EPB41L3: variants seen among roughly 807,000 people sequenced by gnomAD.
The protein encoded by EPB41L3 is erythrocyte membrane protein band 4.1 like 3, also known as band 4.1-like protein 3.
Under a neutral mutation model 127.1 loss-of-function variants are expected in EPB41L3, and 57 were observed. That is an observed-to-expected ratio of 0.45 (90% CI 0.36 to 0.56). The LOEUF is 0.56. Ranked by LOEUF, EPB41L3 falls within the 20% of genes least tolerant of loss-of-function variation. The pLI is 0.00. For missense variants in EPB41L3, 1,273 were observed against 1,372.2 expected (o/e 0.93, Z 1.14); for synonymous variants, 572 against 549.5 (o/e 1.04, Z -0.57).
In EPB41L3 at chr18:5,543,633, T is replaced by A. The variant is rs1194239410; in HGVS notation, c.-12+280A>T. Among the ~76,000 whole-genome samples, 1 of 146,954 alleles carries A rather than the reference T, an allele frequency of 6.8e-6. No homozygotes were observed. The highest frequency in any genetic ancestry group is 1.5e-5 in the Non-Finnish European group (1 of 65,986). On this transcript the variant is annotated intron_variant, in intron 1 of 22. Coordinates refer to ENST00000341928, the MANE Select transcript of EPB41L3 (RefSeq NM_012307.5). This position sits in a 1 kb window ranked among gnomAD's most constrained non-coding sequence, Gnocchi z 5.2. ...AGGCCGGAGGCCGGGGCTCAGGCTC[T>A]GCGCGCCGGCCCAGCCACTACTGCG...
chr18:5,628,440 G>A (rs1415999819), intron 1 of EPB41L3, among the ~76,000 whole-genome samples: 1 of 152,246 alleles, frequency 6.6e-6, no homozygotes, highest in East Asian at 1.9e-4. Context: ...CCCAAGGGCG[G>A]GGGCAGCACC....
intron 3 of EPB41L3, among the ~76,000 whole-genome samples, chr18:5,473,875 C>T (rs1296364592): frequency 6.6e-6 from 1 of 152,008 alleles, no homozygotes; most frequent in Admixed American, 6.6e-5. Context: ...ATCAAGTTCG[C>T]TATAATAAGA....
chr18:5,583,041 T>G lies in EPB41L3; in HGVS notation c.-306+29299A>C, dbSNP rs543875943. On this transcript the variant is annotated intron_variant, in intron 3 of 21. Transcript: ENST00000545076. ...TGGGGGAAAAGTTGGTGAAAAGAGGTGGGAGAACGTTGGAAAGATTCTGGA... is the reference window on the plus strand; with the variant it reads ...TGGGGGAAAAGTTGGTGAAAAGAGGGGGGAGAACGTTGGAAAGATTCTGGA... Among the ~76,000 whole-genome samples, 201 of 152,104 alleles carry G rather than the reference T, an allele frequency of 1.3e-3. 1 individual carries two copies. Among genetic ancestry groups the G allele is most frequent in the African/African-American group, 4.6e-3 (191 of 41,492 alleles).
At position 5,490,318 on chromosome 18, in the gene EPB41L3, C is replaced by CT. The variant is rs1166096911; in HGVS notation, c.-11-1125dup. Reference sequence around the variant, plus strand: ...TTATAGTAAAAGTATGAGCAAAGGACTAGTGTAGTGCTTTAGGCAAATTAT... The same window carrying CT: ...TTATAGTAAAAGTATGAGCAAAGGACTTAGTGTAGTGCTTTAGGCAAATTAT... On this transcript the variant is annotated intron_variant, in intron 1 of 22. Transcript: ENST00000341928. 2.6e-5 allele frequency among the ~76,000 whole-genome samples: 4 copies of CT among 152,242 alleles called. No individual in the cohort carries two copies. In the East Asian group the frequency reaches 7.7e-4, roughly 29 times the overall value.
chr18:5,443,709 T>A, intron 5 of EPB41L3, 129 bp downstream of exon 5: 1 of 664,766 alleles, frequency 1.5e-6, no homozygotes. Flanking sequence ...CTATCGGAAT[T>A]GCCAGATCAA....
At chr18:5,472,476 G>A (rs553820689) in intron 3 of EPB41L3, among the ~76,000 whole-genome samples, 29 of 152,286 alleles carry the variant, frequency 1.9e-4, no homozygotes, top group African/African-American at 6.7e-4. Flanking sequence ...CCATGGAGGA[G>A]GGTGGCATGT....
chr18:5,571,174 A>C (rs2094275817), intron 3 of EPB41L3, among the ~76,000 whole-genome samples: 1 of 152,246 alleles, frequency 6.6e-6, no homozygotes, highest in Non-Finnish European at 1.5e-5. Flanking sequence ...AAAGCATTCC[A>C]AGAAGTATCA....
At chr18:5,432,016 C>T (rs1261905782) in intron 8 of EPB41L3, among the ~76,000 whole-genome samples, 1 of 152,128 alleles carries the variant, frequency 6.6e-6, no homozygotes, top group Non-Finnish European at 1.5e-5. Flanking sequence ...CTGGTGTGAA[C>T]CTCCGCCAAG....
At chr18:5,539,195 A>G (rs1036596081) in intron 1 of EPB41L3, among the ~76,000 whole-genome samples, 5 of 152,034 alleles carry the variant, frequency 3.3e-5, no homozygotes, top group Non-Finnish European at 7.4e-5. Flanking sequence ...TATATACTCA[A>G]GGCAGGTTAA....
At chr18:5,518,784 C>A (rs569604942) in intron 1 of EPB41L3, among the ~76,000 whole-genome samples, 3 of 152,198 alleles carry the variant, frequency 2.0e-5, no homozygotes, top group African/African-American at 7.2e-5. Flanking sequence ...TCCTGACAGG[C>A]ACACAGGGCC....
intron 16 of EPB41L3, among the ~76,000 whole-genome samples, chr18:5,403,473 A>T (rs2074840450): frequency 6.6e-6 from 1 of 152,092 alleles, no homozygotes; most frequent in South Asian, 2.1e-4. Flanking sequence ...TTATAGAAAT[A>T]ATTATTATAA....
At chr18:5,620,132 T>TA (rs35117867) in intron 1 of EPB41L3, among the ~76,000 whole-genome samples, 30,015 of 149,500 alleles carry the variant, frequency 0.2, 3,258 homozygotes, top group Non-Finnish European at 0.25. Flanking sequence ...TTATCAAGTT[T>TA]AAAAAAAAAA....
chr18:5,576,860 A>G (rs935283500), intron 3 of EPB41L3, among the ~76,000 whole-genome samples: 4 of 152,250 alleles, frequency 2.6e-5, no homozygotes, highest in South Asian at 2.1e-4. Flanking sequence ...AAGTCTAAGC[A>G]TAAGTACACG....
intron 1 of EPB41L3, among the ~76,000 whole-genome samples, chr18:5,623,374 G>A (rs1418227252): frequency 2.6e-5 from 4 of 152,072 alleles, no homozygotes; most frequent in South Asian, 2.1e-4. Flanking sequence ...CTAACACTAC[G>A]TGAAAGTATC....
intron 7 of EPB41L3, 92 bp downstream of exon 7, chr18:5,433,811 T>C (rs940462514): frequency 1.4e-6 from 2 of 1,388,956 alleles, no homozygotes; most frequent in African/African-American, 2.8e-5. Context: ...TCGCCGTTAA[T>C]GGACTGAAAT....
chr18:5,514,150 C>T (rs930067566), intron 1 of EPB41L3, among the ~76,000 whole-genome samples: 2 of 152,164 alleles, frequency 1.3e-5, no homozygotes, highest in African/African-American at 4.8e-5. Flanking sequence ...GTGATTACTT[C>T]AGTATGAAAC....
rs536377057 is a variant in EPB41L3, at chr18:5,528,399, C to T, written c.-12+15514G>A. Among the ~76,000 whole-genome samples the T allele has an allele frequency of 2.0e-5, 3 of 152,174 alleles. No homozygotes were observed. The East Asian group carries it at 5.8e-4, about 29-fold the overall frequency. ...CTATTTTGCTCAAGCTGGTCTCAAA[C>T]TCCTGAGCTCAAGTGATCCTCCTGC... On this transcript the variant is annotated intron_variant, in intron 1 of 22. Transcript: ENST00000341928.
At chr18:5,605,086 G>C (rs769006434) in intron 3 of EPB41L3, among the ~76,000 whole-genome samples, 26 of 152,142 alleles carry the variant, frequency 1.7e-4, no homozygotes, top group South Asian at 2.1e-4. Context: ...TAGTCTCTGT[G>C]GGGGAAGAAA....
chr18:5,478,575 TA>T (rs1336617362), intron 2 of EPB41L3, 137 bp from the exon 3 acceptor site: 2 of 706,338 alleles, frequency 2.8e-6, no homozygotes, highest in African/African-American at 3.6e-5. Context: ...TAGATATAAA[TA>T]TACAGATATT....
Sources: gnomAD v4.1 joint callset for allele counts (sites outside exome capture counted in the v4.1 genomes callset) on GRCh38, gnomAD v4.1.1 for gene constraint, Gnocchi (gnomAD v3.1) non-coding constraint, MANE v1.5 for transcripts, NCBI Gene and HGNC (gene_info 2026-07-23, HGNC 2026-07-21) for gene names.